Variants in OARD1 observed in about 807,000 individuals in gnomAD.
The protein encoded by OARD1 is ADP-ribose glycohydrolase OARD1.
A neutral mutation model predicts 19.7 loss-of-function variants in OARD1; 19 were observed. That is an observed-to-expected ratio of 0.96 (90% confidence interval 0.67 to 1.41). The LOEUF (loss-of-function observed/expected upper bound fraction) is 1.41, where lower values mean the gene tolerates loss of function less well. OARD1 is among the 40% of genes most tolerant of loss of function. OARD1 has a pLI of 0.00. For missense variants in OARD1, 190 were observed against 183.8 expected, an observed-to-expected ratio of 1.03 and a Z score of -0.20; for synonymous variants, 70 against 61.8, an observed-to-expected ratio of 1.13 and a Z score of -0.62.
chr6:41,066,909 A>C lies in OARD1; in HGVS notation c.*426T>G, dbSNP rs921439459. On this transcript the variant is annotated 3_prime_UTR_variant, in exon 6 of 6. Transcript: ENST00000424266. ...CCCCTAGGAGGAATCTGATGACATA[A>C]GGATAACACCAAGTTATGTGCACAA... is the stretch of plus-strand genomic sequence containing the variant. 1 of 152,692 alleles carries C rather than the reference A, an allele frequency of 6.5e-6. No homozygotes were observed. The highest frequency in any genetic ancestry group is 2.4e-5 in the African/African-American group (1 of 41,462). 9.5% of individuals were successfully genotyped at this position (152,692 alleles called of 1,614,324 possible). A position where few individuals can be genotyped will look rare whatever the true frequency, so the allele number is the denominator to read the frequency against.
chr6:41,089,728 G>A, intron 1 of OARD1: 1 of 1,608,830 alleles, frequency 6.2e-7, no homozygotes, highest in South Asian at 1.1e-5. Flanking sequence ...CACTAGCTCT[G>A]TCACACAGGA....
rs9394761 is a variant in OARD1, at chr6:41,065,901, A to C, written c.*1434T>G. 0.16 allele frequency: 24,955 copies of C among 152,246 alleles called. 2,626 individuals are homozygous for C. The highest frequency in any genetic ancestry group is 0.28 in the South Asian group (1,343 of 4,836). 9.4% of individuals were successfully genotyped at this position (152,246 alleles called of 1,614,324 possible). ...GCAAGTCTGGCTGTTTTAACTCTCA[A>C]CACCACTGTAAGGGAAAACAAGAAA... On this transcript the variant is annotated 3_prime_UTR_variant, in exon 6 of 6. Coordinates refer to ENST00000424266, the MANE Select transcript of OARD1 (RefSeq NM_001329686.2).
At chr6:41,094,633 C>A in intron 1 of OARD1, 1 of 618,404 alleles carries the variant, frequency 1.6e-6, no homozygotes, top group South Asian at 2.0e-5. Context: ...AATCTTATGT[C>A]TCTTTAGATT....
intron 1 of OARD1, among the ~76,000 whole-genome samples, chr6:41,095,929 GCAAT>G (rs1409702288): frequency 1.3e-5 from 2 of 152,144 alleles, no homozygotes; most frequent in African/African-American, 4.8e-5. Context: ...TCTGAACCAA[GCAAT>G]CAGTGTTTCT....
chr6:41,091,245 G>A (rs1455756852), intron 1 of OARD1, among the ~76,000 whole-genome samples: 1 of 152,212 alleles, frequency 6.6e-6, no homozygotes, highest in Non-Finnish European at 1.5e-5. Context: ...AGACTGACCT[G>A]TAGAAGAGGA....
chr6:41,092,900 CT>C (rs759314795), intron 1 of OARD1: 10 of 1,610,860 alleles, frequency 6.2e-6, no homozygotes, highest in African/African-American at 1.3e-5. Context: ...CTCTGGTTTC[CT>C]GTTCACACAG....
At chr6:41,094,425 T>C in intron 1 of OARD1, 2 of 1,614,246 alleles carry the variant, frequency 1.2e-6, no homozygotes, top group South Asian at 2.2e-5. Context: ...GGCACCGTCA[T>C]GCCATGGCAC....
chr6:41,090,515 A>G (rs185698884), intron 1 of OARD1, among the ~76,000 whole-genome samples: 9 of 152,228 alleles, frequency 5.9e-5, no homozygotes, highest in Admixed American at 4.6e-4. Context: ...AGCAGTTTCT[A>G]TAGTGGTTGC....
chr6:41,069,975 C>A, intron 4 of OARD1, 101 bp downstream of exon 4: 1 of 806,352 alleles, frequency 1.2e-6, no homozygotes, highest in South Asian at 1.4e-5. Flanking sequence ...TAGAATAGAA[C>A]ATCATGATCA....
intron 1 of OARD1, among the ~76,000 whole-genome samples, chr6:41,087,092 A>G (rs555320060): frequency 6.6e-6 from 1 of 152,254 alleles, no homozygotes; most frequent in Non-Finnish European, 1.5e-5. Flanking sequence ...ACGTTTATGT[A>G]TTTATACAAA....
chr6:41,074,838 A>C (rs1582018072), upstream of OARD1, among the ~76,000 whole-genome samples: 1 of 152,214 alleles, frequency 6.6e-6, no homozygotes, highest in Non-Finnish European at 1.5e-5. Context: ...ATAGTGGCTG[A>C]GTTCTTTGGG....
chr6:41,076,145 C>T (rs145292527), upstream of OARD1, among the ~76,000 whole-genome samples: 46 of 152,206 alleles, frequency 3.0e-4, no homozygotes, highest in Non-Finnish European at 5.6e-4. Flanking sequence ...TGATGGCTCA[C>T]GACTGTAATC....
intron 1 of OARD1, among the ~76,000 whole-genome samples, chr6:41,096,473 T>C (rs1764360778): frequency 6.6e-6 from 1 of 152,238 alleles, no homozygotes; most frequent in Non-Finnish European, 1.5e-5. Context: ...ATACTGTTGA[T>C]ACTTCACAGC....
chr6:41,094,565 C>A, intron 1 of OARD1: 1 of 1,203,230 alleles, frequency 8.3e-7, no homozygotes, highest in Non-Finnish European at 1.2e-6. Flanking sequence ...AAGCCTTCAG[C>A]AGTGTCCTCT....
chr6:41,089,266 G>A (rs1037910849), intron 1 of OARD1, among the ~76,000 whole-genome samples: 5 of 152,202 alleles, frequency 3.3e-5, no homozygotes, highest in Admixed American at 6.5e-5. Context: ...TTACAGGCGT[G>A]AGCCACCACA....
chr6:41,083,381 G>A (rs576371720), intron 1 of OARD1, among the ~76,000 whole-genome samples: 65 of 152,358 alleles, frequency 4.3e-4, no homozygotes, highest in African/African-American at 1.5e-3. Flanking sequence ...TTCCACCATG[G>A]AGACTGCAAA....
chr6:41,065,981 T>C lies in OARD1; in HGVS notation c.*1354A>G, dbSNP rs1376056266. The C allele has an allele frequency of 6.6e-6, 1 of 152,246 alleles. No individual in the cohort carries two copies. The highest frequency in any genetic ancestry group is 1.9e-4 in the East Asian group (1 of 5,200). 9.4% of individuals were successfully genotyped at this position (152,246 alleles called of 1,614,324 possible). On this transcript the variant is annotated 3_prime_UTR_variant, in exon 6 of 6. Transcript: ENST00000424266. ...TGAACCATTGGCTAAATCCATGAAC[T>C]TTATTTTCCTACCATGACCACAATA...
chr6:41,093,902 T>A (rs1021986941), intron 1 of OARD1, among the ~76,000 whole-genome samples: 1 of 152,196 alleles, frequency 6.6e-6, no homozygotes, highest in African/African-American at 2.4e-5. Flanking sequence ...CAAATGCCTG[T>A]AGTCCTACTT....
intron 1 of OARD1, among the ~76,000 whole-genome samples, chr6:41,089,224 TC>T (rs1764132517): frequency 6.6e-6 from 1 of 152,176 alleles, no homozygotes; most frequent in African/African-American, 2.4e-5. Context: ...CCTCAAGTGA[TC>T]CACCCACCTC....
Sources: allele counts gnomAD v4.1 joint callset (sites outside exome capture counted in the v4.1 genomes callset), GRCh38; gene constraint gnomAD v4.1.1; transcripts MANE v1.5; gene names NCBI Gene and HGNC (gene_info 2026-07-23, HGNC 2026-07-21).